Variants in ERCC8 observed in about 807,000 individuals in gnomAD.
ERCC8 encodes the protein ERCC excision repair 8, CSA ubiquitin ligase complex subunit.
ERCC8 carries 52 observed loss-of-function variants against 54.9 expected under a neutral mutation model. The observed-to-expected ratio is 0.95, with a 90% confidence interval of 0.76 to 1.19. The LOEUF (loss-of-function observed/expected upper bound fraction) is 1.19, where lower values mean the gene tolerates loss of function less well. ERCC8 is among the 50% of genes most tolerant of loss of function. The pLI, the probability that ERCC8 is intolerant of heterozygous loss-of-function variation, is 0.00. For missense variants in ERCC8, 514 were observed against 466.1 expected (o/e 1.10, Z -0.95); for synonymous variants, 146 against 157.2 (o/e 0.93, Z 0.53).
At chr5:60,922,592 G>A (rs76858571) in intron 2 of ERCC8, among the ~76,000 whole-genome samples, 1,657 of 152,188 alleles carry the variant, frequency 0.011, 13 homozygotes, top group Middle Eastern at 0.024. Flanking sequence ...ATTTGTAAAG[G>A]AGGGGGACAT....
At chr5:60,902,305 T>C (rs1441895555) in intron 7 of ERCC8, 137 bp downstream of exon 7, 3 of 679,908 alleles carry the variant, frequency 4.4e-6, no homozygotes, top group Non-Finnish European at 7.5e-6. Flanking sequence ...TGAATTAAAA[T>C]TTCTAAGTCA....
intron 1 of ERCC8, among the ~76,000 whole-genome samples, chr5:60,942,768 C>T (rs1225477141): frequency 6.6e-6 from 1 of 152,118 alleles, no homozygotes; most frequent in Non-Finnish European, 1.5e-5. Context: ...TGTATATTCT[C>T]ATTTAATGTG....
chr5:60,939,243 T>C (rs1750184011), intron 1 of ERCC8, among the ~76,000 whole-genome samples: 1 of 152,182 alleles, frequency 6.6e-6, no homozygotes, highest in South Asian at 2.1e-4. Flanking sequence ...TTCCAGCTTG[T>C]TTATTATTAT....
chr5:60,905,042 C>G (rs1413044874), intron 4 of ERCC8, among the ~76,000 whole-genome samples, 169 bp from the exon 5 acceptor site: 2 of 151,888 alleles, frequency 1.3e-5, no homozygotes, highest in Non-Finnish European at 2.9e-5. Context: ...ATTTGAAATC[C>G]TGTCATTTAC....
At chr5:60,875,488 T>C (rs778621303) in intron 11 of ERCC8, among the ~76,000 whole-genome samples, 3 of 152,206 alleles carry the variant, frequency 2.0e-5, no homozygotes, top group Non-Finnish European at 4.4e-5. Context: ...AACTTCTGAA[T>C]AGCTACTTCT....
At position 60,873,950 on chromosome 5, in the gene ERCC8, G is replaced by GA. The variant is rs1351735412; in HGVS notation, c.*664dup. 1.3e-5 allele frequency: 2 copies of GA among 152,122 alleles called. No homozygotes were observed. The highest frequency in any genetic ancestry group is 2.4e-5 in the African/African-American group (1 of 41,438). The allele number at this position is 152,122 out of a possible 1,614,324, so 9.4% of individuals were successfully genotyped here. ...TGGTCATACCTTAATGAGTTTCACA[G>GA]AAAAAGAGTTCAAGCATTAGCGCAA... On this transcript the variant is annotated 3_prime_UTR_variant, in exon 12 of 12. Coordinates refer to ENST00000676185, the MANE Select transcript of ERCC8 (RefSeq NM_000082.4).
intron 2 of ERCC8, among the ~76,000 whole-genome samples, chr5:60,924,020 T>C (rs1263665281): frequency 1.3e-5 from 2 of 152,168 alleles, no homozygotes; most frequent in East Asian, 3.8e-4. Context: ...TTAATGTCTT[T>C]TAACTTTAAG....
intron 11 of ERCC8, among the ~76,000 whole-genome samples, chr5:60,876,369 T>A (rs575494804): frequency 1.6e-4 from 25 of 152,216 alleles, no homozygotes; most frequent in African/African-American, 4.6e-4. Flanking sequence ...TAGCAGCATG[T>A]TTTATAATCC....
intron 11 of ERCC8, among the ~76,000 whole-genome samples, chr5:60,880,968 C>T (rs4464637): frequency 0.019 from 2,904 of 152,144 alleles, 59 homozygotes; most frequent in Middle Eastern, 0.051. Context: ...AGTTTTTCTG[C>T]TCTGTTTTTT....
chr5:60,891,096 T>A lies in ERCC8; in HGVS notation c.844-10A>T. On this transcript the variant is annotated splice_polypyrimidine_tract_variant and intron_variant, in intron 9 of 11. Transcript: ENST00000676185. The stretch of plus-strand genomic sequence containing the variant: ...CTTTTCCATAGTTCACCTGTAGGAT[T>A]AAAATAATAAGGTTACTCATCTCTG... 6.5e-7 allele frequency: 1 copy of A among 1,544,622 alleles called. No individual in the cohort carries two copies. Among genetic ancestry groups the A allele is most frequent in the Non-Finnish European group, 8.9e-7 (1 of 1,121,020 alleles).
Position 60,870,661 on chromosome 5 carries a change from CAA to C in ERCC8, c.*3952_*3953del, listed in dbSNP as rs542978992. Among the ~76,000 whole-genome samples, 10 of 108,444 alleles carry C rather than the reference CAA, an allele frequency of 9.2e-5. No homozygotes were observed. Among genetic ancestry groups the C allele is most frequent in the Admixed American group, 2.0e-4 (2 of 10,138 alleles). 71.1% of individuals were successfully genotyped at this position (108,444 alleles called of 152,430 possible). On this transcript the variant is annotated 3_prime_UTR_variant, in exon 12 of 12. Coordinates refer to ENST00000676185, the MANE Select transcript of ERCC8 (RefSeq NM_000082.4). ...TGGGTGACAGAATGAGATTTTGTCT[CAA>C]AAAAAAAAAAGGGAAGAAAGGAAGA...
At chr5:60,933,735 T>C (rs1749981971) in intron 1 of ERCC8, among the ~76,000 whole-genome samples, 1 of 152,142 alleles carries the variant, frequency 6.6e-6, no homozygotes, top group Non-Finnish European at 1.5e-5. Context: ...CTTCCACCCT[T>C]TCCCCCGAGT....
chr5:60,899,715 T>C lies in ERCC8; in HGVS notation c.630A>G (p.Arg210=). The part of the protein sequence containing the change: ...YILATASADS[R]VKLWDVRRAS... ...CTCTTCTCACATCCCATAATTTTACTCTACTGTCAGCACTGAGAAGAAATA... is the reference window on the plus strand; with the variant it reads ...CTCTTCTCACATCCCATAATTTTACCCTACTGTCAGCACTGAGAAGAAATA... The change falls in exon 8 of 12, where the codon AGA becomes AGG. Residue 210 remains arginine, a synonymous_variant. Coordinates refer to ENST00000676185, the MANE Select transcript of ERCC8 (RefSeq NM_000082.4). 1.9e-6 allele frequency: 3 copies of C among 1,610,502 alleles called. No homozygotes were observed. The highest frequency in any genetic ancestry group is 2.5e-6 in the Non-Finnish European group (3 of 1,177,264).
intron 2 of ERCC8, 152 bp from the exon 3 acceptor site, chr5:60,922,307 C>G: frequency 2.1e-6 from 1 of 480,292 alleles, no homozygotes; most frequent in Non-Finnish European, 3.7e-6. Context: ...ATAACACAGA[C>G]TTCATAAACT....
chr5:60,875,893 C>CTT (rs10661271), intron 11 of ERCC8, among the ~76,000 whole-genome samples: 50,732 of 151,036 alleles, frequency 0.34, 8,872 homozygotes, highest in Middle Eastern at 0.37. Context: ...TTTATTTTTT[C>CTT]TTTTTTTTAT....
Position 60,874,232 on chromosome 5 carries a change from G to T in ERCC8, c.*383C>A. On this transcript the variant is annotated 3_prime_UTR_variant, in exon 12 of 12. Transcript: ENST00000676185. ...CAAAATCATTCTTAAAGGTGGAAAC[G>T]AGCAGGCTGATAGTACAGCAAGTAA... is the stretch of plus-strand genomic sequence containing the variant. The T allele has an allele frequency of 6.1e-6, 1 of 163,850 alleles. No individual in the cohort carries two copies. The highest frequency in any genetic ancestry group is 1.3e-5 in the Non-Finnish European group (1 of 76,088). The allele number at this position is 163,850 out of a possible 1,614,324, so 10.1% of individuals were successfully genotyped here. A position where few individuals can be genotyped will look rare whatever the true frequency, so the allele number is the denominator to read the frequency against.
intron 4 of ERCC8, among the ~76,000 whole-genome samples, chr5:60,908,521 C>T (rs909307435): frequency 4.7e-5 from 7 of 150,340 alleles, no homozygotes; most frequent in Non-Finnish European, 7.4e-5. Context: ...TATAATCCAC[C>T]CAATTGTCAA....
Position 60,871,147 on chromosome 5 carries a change from A to G in ERCC8, c.*3468T>C, listed in dbSNP as rs144334856. Among the ~76,000 whole-genome samples, 56 of 152,374 alleles carry G rather than the reference A, an allele frequency of 3.7e-4. No homozygotes were observed. The East Asian group carries it at 4.6e-3, about 13-fold the overall frequency. The stretch of plus-strand genomic sequence containing the variant: ...AGATGATATTCAACAACTAAATTGT[A>G]CAAATTGTACACCAAAATATACCAA... On this transcript the variant is annotated 3_prime_UTR_variant, in exon 12 of 12. Transcript: ENST00000676185.
At position 60,904,804 on chromosome 5, in the gene ERCC8, A is replaced by G; in HGVS notation, c.469T>C (p.Cys157Arg). 6.3e-7 allele frequency: 1 copy of G among 1,596,332 alleles called. No individual in the cohort carries two copies. Among genetic ancestry groups the G allele is most frequent in the East Asian group, 2.2e-5 (1 of 44,596 alleles). Residue 157 changes from cysteine to arginine, a missense_variant, in exon 5 of 12, where the codon TGT (cysteine) becomes CGT (arginine). By Grantham distance (180) the Cys-to-Arg change is radical (BLOSUM62 -3). Transcript: ENST00000676185. ...TACACTTACAAACCTGCTACCAAAC[A>G]GTGCTTGGTGGAGACTGGAGACATA... ...HHMSPVSTKH[C>R]LVAVGTRGPK...
Sources: allele counts gnomAD v4.1 joint callset (sites outside exome capture counted in the v4.1 genomes callset), GRCh38; gene constraint gnomAD v4.1.1; transcripts MANE v1.5; gene names NCBI Gene and HGNC (gene_info 2026-07-23, HGNC 2026-07-21).